Variants in SBNO2 observed in about 807,000 individuals in gnomAD.
SBNO2 encodes the protein protein strawberry notch homolog 2.
A neutral mutation model predicts 146.3 loss-of-function variants in SBNO2; 89 were observed. That is an observed-to-expected ratio of 0.61 (90% CI 0.51 to 0.73). SBNO2 has a LOEUF of 0.73. Among genes scored for constraint, SBNO2 ranks in the 30% least tolerant of loss-of-function variants. The probability of loss-of-function intolerance (pLI) is 0.00; values close to 1 mark genes in which losing one functional copy is unlikely to be tolerated. For missense variants in SBNO2, 2,092 were observed against 2,003.7 expected (o/e 1.04, Z -0.84); for synonymous variants, 1,147 against 892.6 (o/e 1.29, Z -5.08).
intron 4 of SBNO2, among the ~76,000 whole-genome samples, chr19:1,142,803 C>A (rs962369458): frequency 6.6e-6 from 1 of 152,262 alleles, no homozygotes; most frequent in East Asian, 1.9e-4. Flanking sequence ...CCCATCTCTA[C>A]TAAAAATATA....
At chr19:1,159,247 C>T (rs980019367) in intron 1 of SBNO2, among the ~76,000 whole-genome samples, 1 of 151,858 alleles carries the variant, frequency 6.6e-6, no homozygotes, top group Admixed American at 6.6e-5. Context: ...GGCAGAGAGC[C>T]CTGCAAGCTC....
Position 1,112,960 on chromosome 19 carries a change from G to C in SBNO2, c.2248-11C>G. The C allele has an allele frequency of 6.4e-7, 1 of 1,555,886 alleles. No homozygotes were observed. The highest frequency in any genetic ancestry group is 8.7e-7 in the Non-Finnish European group (1 of 1,151,488). On this transcript the variant is annotated splice_polypyrimidine_tract_variant and intron_variant, in intron 19 of 31. Coordinates refer to ENST00000361757, the MANE Select transcript of SBNO2 (RefSeq NM_014963.3). The surrounding 1 kb of genome is among the most constrained non-coding windows in gnomAD (Gnocchi z 5.9). ...TTTCCTGCCGGTCATCTGCAGCCGA[G>C]ACAGGGACAAAACCGGCCGTCAGTG...
At chr19:1,147,832 G>T (rs1031917081) in intron 3 of SBNO2, among the ~76,000 whole-genome samples, 1 of 152,008 alleles carries the variant, frequency 6.6e-6, no homozygotes, top group African/African-American at 2.4e-5. Context: ...GGAGGAGAGC[G>T]CTACGGGCAG....
At chr19:1,135,980 C>T (rs1273571998) in intron 4 of SBNO2, among the ~76,000 whole-genome samples, 1 of 151,872 alleles carries the variant, frequency 6.6e-6, no homozygotes, top group East Asian at 1.9e-4. Flanking sequence ...GTGTGTGTGG[C>T]CTTATTTGGG....
intron 4 of SBNO2, among the ~76,000 whole-genome samples, chr19:1,129,004 C>A (rs1361037619): frequency 6.7e-6 from 1 of 149,322 alleles, no homozygotes; most frequent in East Asian, 2.0e-4. Flanking sequence ...TGGTAGCTCA[C>A]GCCTGTAACC....
At chr19:1,119,439 C>G in intron 13 of SBNO2, 77 bp downstream of exon 13, 1 of 1,185,920 alleles carries the variant, frequency 8.4e-7, no homozygotes, top group South Asian at 1.4e-5. Context: ...GTGGCAGTGC[C>G]AGGCCTTGGG....
intron 7 of SBNO2, 93 bp from the exon 8 acceptor site, chr19:1,123,138 C>T: frequency 2.1e-6 from 3 of 1,443,778 alleles, no homozygotes; most frequent in Non-Finnish European, 2.8e-6. Context: ...GGGGCGTGGC[C>T]AGAGCTGGCG....
intron 4 of SBNO2, among the ~76,000 whole-genome samples, chr19:1,133,425 G>T (rs533252128): frequency 6.6e-6 from 1 of 152,250 alleles, no homozygotes; most frequent in East Asian, 1.9e-4. Context: ...GGGACCAGGG[G>T]GCCCTCAAAC....
At position 1,108,047 on chromosome 19, in the gene SBNO2, G is replaced by C; in HGVS notation, c.*173C>G. The stretch of plus-strand genomic sequence containing the variant: ...GCCCCGGCCCCCAGCTGTCCTGAGT[G>C]GGCCCCGCCAGGGCTGACCAGGTGG... On this transcript the variant is annotated 3_prime_UTR_variant, in exon 32 of 32. Coordinates refer to ENST00000361757, the MANE Select transcript of SBNO2 (RefSeq NM_014963.3). 1 of 597,728 alleles carries C rather than the reference G, an allele frequency of 1.7e-6. No individual in the cohort carries two copies. The highest frequency in any genetic ancestry group is 4.4e-5 in the East Asian group (1 of 22,690). 37.0% of individuals were successfully genotyped at this position (597,728 alleles called of 1,614,324 possible). A position where few individuals can be genotyped will look rare whatever the true frequency, so the allele number is the denominator to read the frequency against.
intron 5 of SBNO2, among the ~76,000 whole-genome samples, chr19:1,124,815 G>A (rs2079946355): frequency 6.6e-6 from 1 of 152,146 alleles, no homozygotes; most frequent in Non-Finnish European, 1.5e-5. Flanking sequence ...CTGGGCCTCT[G>A]GATGAGTCTG....
intron 1 of SBNO2, among the ~76,000 whole-genome samples, chr19:1,167,666 G>A (rs1018490101): frequency 6.6e-6 from 1 of 152,122 alleles, no homozygotes; most frequent in Non-Finnish European, 1.5e-5. Flanking sequence ...AATCCAGGAC[G>A]ACCCCTCTGC....
intron 4 of SBNO2, among the ~76,000 whole-genome samples, chr19:1,129,627 G>A (rs2080005652): frequency 6.6e-6 from 1 of 152,196 alleles, no homozygotes. Flanking sequence ...TGCCCACCCA[G>A]GCTGCAGAGG....
intron 15 of SBNO2, 49 bp downstream of exon 15, chr19:1,117,274 C>A (rs1354046169): frequency 6.6e-7 from 1 of 1,508,198 alleles, no homozygotes; most frequent in Non-Finnish European, 8.9e-7. Context: ...GCAGCCTCCG[C>A]CCCTGCAGGC....
At chr19:1,128,117 C>A (rs1292196133) in intron 4 of SBNO2, 7 of 505,480 alleles carry the variant, frequency 1.4e-5, no homozygotes, top group Admixed American at 2.3e-5. Flanking sequence ...TGTGACAGAG[C>A]GAGAGAGTGA....
Position 1,108,260 on chromosome 19 carries a change from T to G in SBNO2, c.4061A>C (p.Gln1354Pro). The stretch of plus-strand genomic sequence containing the variant: ...GGCGCCGGGGAAGGGTGGGCTGAAC[T>G]GGATCACGCTCTGCCGCTCGGGACC... The part of the protein sequence containing the change: ...GGGPERQSVI[Q>P]FSPPFPGAQA... Residue 1354 changes from glutamine (Q) to proline (P), a missense_variant, in exon 32 of 32, where the codon CAG becomes CCG. Coordinates refer to ENST00000361757, the MANE Select transcript of SBNO2 (RefSeq NM_014963.3). The G allele has an allele frequency of 6.6e-7, 1 of 1,523,452 alleles. No homozygotes were observed. The highest frequency in any genetic ancestry group is 8.8e-7 in the Non-Finnish European group (1 of 1,133,690). 94.4% of individuals were successfully genotyped at this position (1,523,452 alleles called of 1,614,324 possible). A position where few individuals can be genotyped will look rare whatever the true frequency, so the allele number is the denominator to read the frequency against.
rs2079697001 is a variant in SBNO2, at chr19:1,108,260, T to C, written c.4061A>G (p.Gln1354Arg). Residue 1354 changes from glutamine to arginine, a missense_variant, in exon 32 of 32, where the codon CAG (glutamine) becomes CGG (arginine). Transcript: ENST00000361757. ...GGGPERQSVIQFSPPFPGAQA... is the reference protein window; with the variant it reads ...GGGPERQSVIRFSPPFPGAQA... ...GGCGCCGGGGAAGGGTGGGCTGAAC[T>C]GGATCACGCTCTGCCGCTCGGGACC... The C allele has an allele frequency of 6.6e-7, 1 of 1,523,452 alleles. No homozygotes were observed. The highest frequency in any genetic ancestry group is 8.8e-7 in the Non-Finnish European group (1 of 1,133,690). 94.4% of individuals were successfully genotyped at this position (1,523,452 alleles called of 1,614,324 possible). A position where few individuals can be genotyped will look rare whatever the true frequency, so the allele number is the denominator to read the frequency against.
rs770030626 is a variant in SBNO2, at chr19:1,112,329, G to A, written c.2516-28C>T. ...GGGGGCAGAGCTGCTCTCAGGGCCCGGCCAGGCGGGGGCGGGGCCGAGACC... is the reference window on the plus strand; with the variant it reads ...GGGGGCAGAGCTGCTCTCAGGGCCCAGCCAGGCGGGGGCGGGGCCGAGACC... On this transcript the variant is annotated intron_variant, in intron 21 of 31. Coordinates refer to ENST00000361757, the MANE Select transcript of SBNO2 (RefSeq NM_014963.3). This position sits in a 1 kb window ranked among gnomAD's most constrained non-coding sequence, Gnocchi z 5.9. The A allele has an allele frequency of 1.9e-6, 3 of 1,569,894 alleles. No homozygotes were observed. The highest frequency in any genetic ancestry group is 2.3e-5 in the East Asian group (1 of 42,724).
chr19:1,116,927 C>T lies in SBNO2; in HGVS notation c.1705-1G>A. On this transcript the variant is annotated splice_acceptor_variant, in intron 15 of 31. Coordinates refer to ENST00000361757, the MANE Select transcript of SBNO2 (RefSeq NM_014963.3). LOFTEE classifies it high-confidence loss of function. ...TGGACTGCAGCCCGATGACCACGCA[C>T]TGTGGGACGGCAGAGGACTGTGAGC... 1 of 1,553,302 alleles carries T rather than the reference C, an allele frequency of 6.4e-7. No homozygotes were observed. Among genetic ancestry groups the T allele is most frequent in the Non-Finnish European group, 8.7e-7 (1 of 1,155,264 alleles).
rs1399062862 is a variant in SBNO2, at chr19:1,109,154, G to C, written c.3406C>G (p.His1136Asp). The C allele has an allele frequency of 1.3e-6, 2 of 1,555,316 alleles. No individual in the cohort carries two copies. ...CCTCACCAGGCGCTGTGGCTGCAGT[G>C]CGTCAGCGACAAAGCGTAGCCACTC... ...WESGYALSLT[H>D]CSHSAWNRHC... Residue 1136 changes from histidine (H) to aspartate (D), a missense_variant, in exon 30 of 32, where the codon CAC becomes GAC. His to Asp is a moderately conservative substitution (Grantham distance 81). Coordinates refer to ENST00000361757, the MANE Select transcript of SBNO2 (RefSeq NM_014963.3). The surrounding 1 kb of genome is among the most constrained non-coding windows in gnomAD (Gnocchi z 4.2).
Sources: allele counts gnomAD v4.1 joint callset (sites outside exome capture counted in the v4.1 genomes callset), GRCh38; gene constraint gnomAD v4.1.1; non-coding constraint Gnocchi (gnomAD v3.1); transcripts MANE v1.5; gene names NCBI Gene and HGNC (gene_info 2026-07-23, HGNC 2026-07-21).